The following PCDHAC2 variants were observed in gnomAD, a reference collection of about 807,000 sequenced individuals.
PCDHAC2 encodes the protein protocadherin alpha-C2.
Under a neutral mutation model 63.3 loss-of-function variants are expected in PCDHAC2, and 24 were observed. The observed-to-expected ratio is 0.38, with a 90% confidence interval of 0.27 to 0.53. The LOEUF is 0.53. Among genes scored for constraint, PCDHAC2 ranks in the 20% least tolerant of loss-of-function variants. PCDHAC2 has a pLI of 0.81. For synonymous variants in PCDHAC2, 569 were observed against 529.4 expected, an observed-to-expected ratio of 1.07 and a Z score of -1.03; for missense variants, 1,181 against 1,275.2, an observed-to-expected ratio of 0.93 and a Z score of 1.12.
In PCDHAC2 at chr5:141,002,220, G is replaced by GC. The variant is rs1319895049; in HGVS notation, c.2714-7407_2714-7406insC. ...AGTCCCCGGCTTTAATCAAAATGAT[G>GC]GGTTTTCTGGAAGCTCTTTATTAAC... On this transcript the variant is annotated intron_variant, in intron 3 of 3. Coordinates refer to ENST00000289269, the MANE Select transcript of PCDHAC2 (RefSeq NM_018899.6). Among the ~76,000 whole-genome samples, 33 of 152,196 alleles carry GC rather than the reference G, an allele frequency of 2.2e-4. 1 individual carries two copies. Among genetic ancestry groups the GC allele is most frequent in the Admixed American group, 1.0e-3 (16 of 15,274 alleles).
At chr5:140,990,314 C>G (rs1295117014) in intron 3 of PCDHAC2, among the ~76,000 whole-genome samples, 1 of 152,094 alleles carries the variant, frequency 6.6e-6, no homozygotes, top group East Asian at 1.9e-4. Flanking sequence ...AAAAAACCAA[C>G]CAAACAAACT....
intron 3 of PCDHAC2, among the ~76,000 whole-genome samples, chr5:140,984,456 C>T (rs545706582): frequency 8.5e-5 from 13 of 152,286 alleles, no homozygotes; most frequent in African/African-American, 3.1e-4. Context: ...TTCTTACTGT[C>T]CCAGCCCCTC....
chr5:140,972,056 G>A (rs995898254), intron 1 of PCDHAC2, among the ~76,000 whole-genome samples: 8 of 152,106 alleles, frequency 5.3e-5, no homozygotes, highest in Non-Finnish European at 1.2e-4. Flanking sequence ...TCACCTAGTC[G>A]TATATATTAA....
Position 141,010,126 on chromosome 5 carries a change from C to G in PCDHAC2, c.*189C>G, listed in dbSNP as rs2098416139. ...TTTTGTCGTAAAAGCTTTACTAAGT[C>G]TGGTGTTAACTCTTTCTCTCCACTC... On this transcript the variant is annotated 3_prime_UTR_variant, in exon 4 of 4. Coordinates refer to ENST00000289269, the MANE Select transcript of PCDHAC2 (RefSeq NM_018899.6). 1 of 1,602,246 alleles carries G rather than the reference C, an allele frequency of 6.2e-7. No homozygotes were observed. The highest frequency in any genetic ancestry group is 8.5e-7 in the Non-Finnish European group (1 of 1,173,654).
intron 1 of PCDHAC2, among the ~76,000 whole-genome samples, chr5:140,977,739 T>C (rs1198089748): frequency 1.3e-5 from 2 of 152,206 alleles, no homozygotes; most frequent in South Asian, 2.1e-4. Context: ...CTGGGTGTTA[T>C]GAAGAAATGT....
rs2153793513 is a variant in PCDHAC2, at chr5:140,972,346, C to T, written c.2565+3015C>T. Among the ~76,000 whole-genome samples, 6 of 151,468 alleles carry T rather than the reference C, an allele frequency of 4.0e-5. No homozygotes were observed. In the Middle Eastern group the frequency reaches 0.014, roughly 346 times the overall value. The stretch of plus-strand genomic sequence containing the variant: ...TTTTTTTTGGAAGAGATGGGGGTCT[C>T]ACTATGTTGCACATGCTGTTAGTAT... On this transcript the variant is annotated intron_variant, in intron 1 of 3. Transcript: ENST00000289269.
chr5:140,967,524 A>G lies in PCDHAC2; in HGVS notation c.758A>G (p.Asn253Ser). The change falls in exon 1 of 4, where the codon AAC (asparagine) becomes AGC (serine). Residue 253 changes from asparagine (N) to serine (S), a missense_variant. Transcript: ENST00000289269. ...ISVRVLDTND[N>S]SPAFDQSTYR... ...GTGCGTGTCCTGGACACTAACGACA[A>G]CTCTCCTGCCTTTGACCAGTCCACT... 1 of 1,612,564 alleles carries G rather than the reference A, an allele frequency of 6.2e-7. No individual in the cohort carries two copies. Among genetic ancestry groups the G allele is most frequent in the Non-Finnish European group, 8.5e-7 (1 of 1,179,104 alleles).
intron 3 of PCDHAC2, among the ~76,000 whole-genome samples, chr5:141,009,383 C>T (rs2098407441): frequency 6.6e-6 from 1 of 152,198 alleles, no homozygotes; most frequent in African/African-American, 2.4e-5. Flanking sequence ...TGATTGAGCA[C>T]AGGAGGTCGA....
rs2096161783 is a variant in PCDHAC2 at position 140,967,593 on chromosome 5, T to C, written c.827T>C (p.Val276Ala). 1.2e-6 allele frequency: 2 copies of C among 1,614,078 alleles called. No homozygotes were observed. The highest frequency in any genetic ancestry group is 1.7e-6 in the Non-Finnish European group (2 of 1,180,022). The change falls in exon 1 of 4, where the codon GTG (valine) becomes GCG (alanine). Residue 276 changes from valine (V) to alanine (A), a missense_variant. Val to Ala is a moderately conservative substitution (Grantham distance 64, BLOSUM62 0). Transcript: ENST00000289269. ...LREDSPPGTLVVKLNASDPDE... is the reference protein window; with the variant it reads ...LREDSPPGTLAVKLNASDPDE... ...GAGGACTCACCCCCAGGCACATTGGTGGTGAAGCTGAATGCCTCAGACCCG... is the reference window on the plus strand; with the variant it reads ...GAGGACTCACCCCCAGGCACATTGGCGGTGAAGCTGAATGCCTCAGACCCG...
At chr5:140,999,836 A>G (rs1554257003) in intron 3 of PCDHAC2, among the ~76,000 whole-genome samples, 1 of 152,210 alleles carries the variant, frequency 6.6e-6, no homozygotes, top group African/African-American at 2.4e-5. Flanking sequence ...AAAATATGCC[A>G]AGTGTATTTA....
intron 1 of PCDHAC2, among the ~76,000 whole-genome samples, chr5:140,975,268 G>C (rs1054634006): frequency 6.6e-6 from 1 of 152,102 alleles, no homozygotes; most frequent in African/African-American, 2.4e-5. Flanking sequence ...TCTGATTTCT[G>C]TCTCTGACCT....
At chr5:141,002,550 G>A (rs1458455103) in intron 3 of PCDHAC2, among the ~76,000 whole-genome samples, 1 of 152,186 alleles carries the variant, frequency 6.6e-6, no homozygotes, top group African/African-American at 2.4e-5. Context: ...TGAGTCCCAG[G>A]ATCCACCAGT....
chr5:140,966,968 G>C lies in PCDHAC2; in HGVS notation c.202G>C (p.Glu68Gln). ...VGNVARALGL[E>Q]LRRLGPGCLR... ...CAACGTGGCTCGCGCGCTGGGGCTT[G>C]AGCTGCGGCGCTTGGGGCCGGGTTG... The change falls in exon 1 of 4, where the codon GAG becomes CAG. Residue 68 changes from glutamate to glutamine, a missense_variant. By Grantham distance (29) the Glu-to-Gln change is conservative (BLOSUM62 2). Transcript: ENST00000289269. 1.2e-6 allele frequency: 2 copies of C among 1,602,616 alleles called. No individual in the cohort carries two copies. Among genetic ancestry groups the C allele is most frequent in the Non-Finnish European group, 1.7e-6 (2 of 1,177,942 alleles).
At chr5:140,985,203 T>C (rs1274620928) in intron 3 of PCDHAC2, among the ~76,000 whole-genome samples, 1 of 152,092 alleles carries the variant, frequency 6.6e-6, no homozygotes, top group Non-Finnish European at 1.5e-5. Flanking sequence ...TCCCAAAGTG[T>C]TGGGATTACA....
At chr5:140,976,597 G>A (rs1477005420) in intron 1 of PCDHAC2, among the ~76,000 whole-genome samples, 1 of 152,062 alleles carries the variant, frequency 6.6e-6, no homozygotes, top group South Asian at 2.1e-4. Flanking sequence ...TTTGTGTTAA[G>A]GGGACCTAAA....
At chr5:140,979,922 A>T (rs1317860679) in intron 2 of PCDHAC2, among the ~76,000 whole-genome samples, 1 of 152,276 alleles carries the variant, frequency 6.6e-6, no homozygotes, top group Non-Finnish European at 1.5e-5. Flanking sequence ...GAGAAAGCCT[A>T]CAAAGTATGT....
At position 140,967,171 on chromosome 5, in the gene PCDHAC2, G is replaced by A. The variant is rs181864889; in HGVS notation, c.405G>A (p.Glu135=). 1.2e-6 allele frequency: 2 copies of A among 1,611,944 alleles called. No individual in the cohort carries two copies. The highest frequency in any genetic ancestry group is 8.5e-7 in the Non-Finnish European group (1 of 1,178,522). Residue 135 remains glutamate, a synonymous_variant, in exon 1 of 4, where the codon GAG becomes GAA. Coordinates refer to ENST00000289269, the MANE Select transcript of PCDHAC2 (RefSeq NM_018899.6). The stretch of plus-strand genomic sequence containing the variant: ...ACCCCGTGGCGGTGAGCGCCGTTGA[G>A]GTGGAAATATTGGACATCAACGACA... The part of the protein sequence containing the change: ...AHNPVAVSAV[E]VEILDINDNS...
At chr5:141,000,415 ATATATATTTTTTTT>A (rs2097922429) in intron 3 of PCDHAC2, among the ~76,000 whole-genome samples, 2 of 87,398 alleles carry the variant, frequency 2.3e-5, no homozygotes, top group Non-Finnish European at 4.3e-5. Flanking sequence ...ATATATATAT[ATATATATTTTTTTT>A]TTTTTTTTTT....
chr5:140,985,739 CTTTTTTT>C (rs11372071), intron 3 of PCDHAC2, among the ~76,000 whole-genome samples: 2 of 117,922 alleles, frequency 1.7e-5, no homozygotes, highest in African/African-American at 6.4e-5. Flanking sequence ...TGATGAATTC[CTTTTTTT>C]TTTTTTTTTT....
Sources: allele counts gnomAD v4.1 joint callset (sites outside exome capture counted in the v4.1 genomes callset), GRCh38; gene constraint gnomAD v4.1.1; transcripts MANE v1.5; gene names NCBI Gene and HGNC (gene_info 2026-07-23, HGNC 2026-07-21).